Variants in DEPDC1 observed in about 807,000 individuals in gnomAD.
DEPDC1 encodes DEP domain containing 1.
A neutral mutation model predicts 86.8 loss-of-function variants in DEPDC1; 66 were observed. That is an observed-to-expected ratio of 0.76 (90% CI 0.62 to 0.93). The LOEUF (loss-of-function observed/expected upper bound fraction) is 0.93. DEPDC1 is among the 40% of genes least tolerant of loss of function. The pLI, the probability that DEPDC1 is intolerant of heterozygous loss-of-function variation, is 0.00. For missense variants in DEPDC1, 792 were observed against 935.7 expected, an observed-to-expected ratio of 0.85 and a Z score of 2.00; for synonymous variants, 255 against 314.9, an observed-to-expected ratio of 0.81 and a Z score of 2.02.
At chr1:68,483,035 A>T in intron 7 of DEPDC1, 138 bp from the exon 8 acceptor site, 1 of 887,930 alleles carries the variant, frequency 1.1e-6, no homozygotes. Flanking sequence ...TAGTTGCTTA[A>T]TTCAGAAGCC....
chr1:68,489,417 T>C, intron 3 of DEPDC1, 35 bp downstream of exon 3: 1 of 1,343,022 alleles, frequency 7.4e-7, no homozygotes, highest in Non-Finnish European at 9.9e-7. Flanking sequence ...ATCATAATTA[T>C]ATTTAAACTA....
intron 1 of DEPDC1, 79 bp from the exon 2 acceptor site, chr1:68,494,774 G>C: frequency 8.7e-7 from 1 of 1,150,970 alleles, no homozygotes; most frequent in Non-Finnish European, 1.2e-6. Flanking sequence ...ATTAGGTAAA[G>C]AAAATTCTTT....
chr1:68,479,341 G>A, intron 9 of DEPDC1, 21 bp from the exon 10 acceptor site: 2 of 1,534,814 alleles, frequency 1.3e-6, no homozygotes, highest in South Asian at 1.3e-5. Flanking sequence ...ATTAAAAGAT[G>A]TGAATTTAAA....
In DEPDC1 at chr1:68,482,084, G is replaced by T; in HGVS notation, c.1724C>A (p.Ser575Tyr). The T allele has an allele frequency of 1.2e-6, 2 of 1,603,676 alleles. No homozygotes were observed. Among genetic ancestry groups the T allele is most frequent in the Non-Finnish European group, 1.7e-6 (2 of 1,176,610 alleles). Residue 575 changes from serine to tyrosine, a missense_variant, in exon 8 of 12, where the codon TCT becomes TAT. By Grantham distance (144) the Ser-to-Tyr change is moderately radical (BLOSUM62 -2). Coordinates refer to ENST00000456315, the MANE Select transcript of DEPDC1 (RefSeq NM_001114120.3). ...CAACATAGAAGAAGCTGGAAGTAAAGAATTTTCTGAAAGTTCTATTGTACT... is the reference window on the plus strand; with the variant it reads ...CAACATAGAAGAAGCTGGAAGTAAATAATTTTCTGAAAGTTCTATTGTACT... ...CKSTIELSEN[S>Y]LLPASSMLTG...
intron 7 of DEPDC1, 42 bp from the exon 8 acceptor site, chr1:68,482,939 C>T: frequency 1.3e-6 from 2 of 1,523,528 alleles, no homozygotes; most frequent in Non-Finnish European, 1.8e-6. Context: ...AACTGTATGA[C>T]AGTGGACAAA....
chr1:68,483,191 G>C, intron 7 of DEPDC1: 1 of 537,766 alleles, frequency 1.9e-6, no homozygotes, highest in Non-Finnish European at 3.5e-6. Flanking sequence ...TCTGTTCTCA[G>C]TCTGCAAGTA....
At chr1:68,489,109 T>C in intron 3 of DEPDC1, 75 bp from the exon 4 acceptor site, 2 of 891,100 alleles carry the variant, frequency 2.2e-6, no homozygotes, top group South Asian at 2.9e-5. Flanking sequence ...ATAATTCTAT[T>C]ACTATCAGTC....
rs1646120293 is a variant in DEPDC1, at chr1:68,477,012, C to G, written c.2356G>C (p.Ala786Pro). 1 of 1,607,380 alleles carries G rather than the reference C, an allele frequency of 6.2e-7. No homozygotes were observed. Among genetic ancestry groups the G allele is most frequent in the East Asian group, 2.2e-5 (1 of 44,668 alleles). ...QKRFPTTESE[A>P]ALFGDKPTIK... ...GTAGGTTTGTCACCAAAAAGTGCTG[C>G]TTCACTCTCCGTGGTTGGAAATCTT... Residue 786 changes from alanine (A) to proline (P), a missense_variant, in exon 12 of 12, where the codon GCA becomes CCA. By Grantham distance (27) the Ala-to-Pro change is conservative. Transcript: ENST00000456315.
At chr1:68,485,475 T>G (rs1646187477) in intron 6 of DEPDC1, among the ~76,000 whole-genome samples, 1 of 152,090 alleles carries the variant, frequency 6.6e-6, no homozygotes, top group Non-Finnish European at 1.5e-5. Flanking sequence ...GGGGATCGAA[T>G]AACAAGTAAA....
In DEPDC1 at chr1:68,489,531, GA is replaced by G; in HGVS notation, c.391del (p.Ser131ProfsTer33). ...TTTAAAAATGCTATCTTTATCTTTG[GA>G]AAAGTTCTCTATGTTGTTTTTTCTC... ...ELRKNNIENFSKDKDSIFKLR... is the reference protein window; with the variant it reads ...ELRKNNIENFXKDKDSIFKLR... On this transcript the variant is annotated frameshift_variant, in exon 3 of 12. Transcript: ENST00000456315. LOFTEE classifies it high-confidence loss of function. 1 of 1,544,396 alleles carries G rather than the reference GA, an allele frequency of 6.5e-7. No individual in the cohort carries two copies. The highest frequency in any genetic ancestry group is 1.3e-5 in the South Asian group (1 of 78,158).
intron 9 of DEPDC1, among the ~76,000 whole-genome samples, chr1:68,479,670 G>T (rs915480135): frequency 6.6e-6 from 1 of 151,872 alleles, no homozygotes; most frequent in African/African-American, 2.4e-5. Flanking sequence ...AGGCATGATG[G>T]TGCATGACTG....
intron 5 of DEPDC1, 36 bp downstream of exon 5, chr1:68,488,338 A>C (rs780546228): frequency 1.3e-6 from 2 of 1,545,794 alleles, no homozygotes; most frequent in Admixed American, 2.2e-5. Context: ...CTTGTTGGCA[A>C]GTTTTTAAAA....
chr1:68,483,800 A>G, intron 7 of DEPDC1, 150 bp downstream of exon 7: 1 of 527,964 alleles, frequency 1.9e-6, no homozygotes, highest in Non-Finnish European at 3.1e-6. Context: ...GGGCGGAAGT[A>G]TGAGTAACCT....
chr1:68,482,769 G>A lies in DEPDC1; in HGVS notation c.1039C>T (p.Leu347Phe), dbSNP rs764516175. 6.2e-7 allele frequency: 1 copy of A among 1,612,692 alleles called. No individual in the cohort carries two copies. The highest frequency in any genetic ancestry group is 1.1e-5 in the South Asian group (1 of 90,990). ...TTTTTTTCTCTATGAAGCAGACTGA[G>A]AAGAAGGCACTCAGTTGATTTGAAG... ...NSFKSTECLL[L>F]SLLHREKNKE... is the part of the protein sequence containing the mutation. The change falls in exon 8 of 12, where the codon CTC (leucine) becomes TTC (phenylalanine). Residue 347 changes from leucine (L) to phenylalanine (F), a missense_variant. Transcript: ENST00000456315.
At position 68,484,109 on chromosome 1, in the gene DEPDC1, GA is replaced by G. The variant is rs1365597851; in HGVS notation, c.770-20del. On this transcript the variant is annotated intron_variant, in intron 6 of 11. Coordinates refer to ENST00000456315, the MANE Select transcript of DEPDC1 (RefSeq NM_001114120.3). ...CTTGGCCCTAAGAAGTAGAAGGCAA[GA>G]GAAAAAGGTAAAGTATATTTTAATT... 2 of 1,505,384 alleles carry G rather than the reference GA, an allele frequency of 1.3e-6. No individual in the cohort carries two copies. The highest frequency in any genetic ancestry group is 2.9e-5 in the African/African-American group (2 of 68,978). The allele number at this position is 1,505,384 out of a possible 1,614,324, so 93.3% of individuals were successfully genotyped here. A position where few individuals can be genotyped will look rare whatever the true frequency, so the allele number is the denominator to read the frequency against.
At position 68,482,983 on chromosome 1, in the gene DEPDC1, A is replaced by G. The variant is rs1427275422; in HGVS notation, c.911-86T>C. The G allele has an allele frequency of 1.3e-5, 18 of 1,354,854 alleles. 1 individual carries two copies. Among genetic ancestry groups the G allele is most frequent in the East Asian group, 4.7e-5 (2 of 42,756 alleles). 83.9% of individuals were successfully genotyped at this position (1,354,854 alleles called of 1,614,324 possible). A position where few individuals can be genotyped will look rare whatever the true frequency, so the allele number is the denominator to read the frequency against. ...AAAAACAATAGTAAAGTTAAAAAAT[A>G]AAGCATTACTATAGTATATATTGTT... On this transcript the variant is annotated intron_variant, in intron 7 of 11. Coordinates refer to ENST00000456315, the MANE Select transcript of DEPDC1 (RefSeq NM_001114120.3).
intron 6 of DEPDC1, among the ~76,000 whole-genome samples, chr1:68,485,812 T>C (rs892901316): frequency 3.3e-5 from 5 of 152,072 alleles, no homozygotes; most frequent in Non-Finnish European, 7.4e-5. Context: ...TTCAATGTCA[T>C]TTTATCATAT....
intron 2 of DEPDC1, among the ~76,000 whole-genome samples, 163 bp downstream of exon 2, chr1:68,494,267 C>G (rs1218603097): frequency 6.6e-6 from 1 of 152,174 alleles, no homozygotes; most frequent in East Asian, 1.9e-4. Context: ...TTAACTTTCA[C>G]ATTACAATTT....
At position 68,487,059 on chromosome 1, in the gene DEPDC1, C is replaced by T. The variant is rs577486718; in HGVS notation, c.722-75G>A. 1.8e-4 allele frequency: 247 copies of T among 1,352,162 alleles called. 1 individual carries two copies. Among genetic ancestry groups the T allele is most frequent in the African/African-American group, 1.8e-3 (119 of 66,682 alleles). The allele number at this position is 1,352,162 out of a possible 1,614,324, so 83.8% of individuals were successfully genotyped here. ...AGTATATTTTAAAATATCACACTTA[C>T]GTGCAATTATATATATGTATATACA... On this transcript the variant is annotated intron_variant, in intron 5 of 11. Coordinates refer to ENST00000456315, the MANE Select transcript of DEPDC1 (RefSeq NM_001114120.3).
Sources: gnomAD v4.1 joint callset for allele counts (sites outside exome capture counted in the v4.1 genomes callset) on GRCh38, gnomAD v4.1.1 for gene constraint, MANE v1.5 for transcripts, NCBI Gene and HGNC (gene_info 2026-07-23, HGNC 2026-07-21) for gene names.